Variants in PLCB1 observed in about 807,000 individuals in gnomAD.
PLCB1 encodes 1-phosphatidylinositol 4,5-bisphosphate phosphodiesterase beta-1.
A neutral mutation model predicts 161.8 loss-of-function variants in PLCB1; 46 were observed. That is an observed-to-expected ratio of 0.28 (90% CI 0.22 to 0.36). The LOEUF (loss-of-function observed/expected upper bound fraction) is 0.36, where lower values mean the gene tolerates loss of function less well. PLCB1 is among the 10% of genes least tolerant of loss of function. The probability of loss-of-function intolerance (pLI) is 1.00; values close to 1 mark genes in which losing one functional copy is unlikely to be tolerated. For synonymous variants in PLCB1, 517 were observed against 503.7 expected (o/e 1.03, Z -0.35); for missense variants, 1,016 against 1,472.5 (o/e 0.69, Z 5.07).
chr20:8,797,585 A>C (rs914347201), intron 31 of PLCB1, among the ~76,000 whole-genome samples: 8 of 152,008 alleles, frequency 5.3e-5, no homozygotes, highest in African/African-American at 1.9e-4. Context: ...CTATGCATCC[A>C]CTGAGTGTTT....
chr20:8,222,382 G>T (rs547583332), intron 2 of PLCB1, among the ~76,000 whole-genome samples: 1 of 152,054 alleles, frequency 6.6e-6, no homozygotes, highest in Non-Finnish European at 1.5e-5. Flanking sequence ...CTGGGGTAAC[G>T]TAGTTGTTTC....
intron 2 of PLCB1, among the ~76,000 whole-genome samples, chr20:8,340,051 A>G (rs980208314): frequency 1.3e-5 from 2 of 152,172 alleles, no homozygotes; most frequent in African/African-American, 4.8e-5. Context: ...CTCAGTAAAC[A>G]CTACTGTAAC....
At chr20:8,612,324 T>A (rs1987927580) in intron 3 of PLCB1, among the ~76,000 whole-genome samples, 1 of 152,162 alleles carries the variant, frequency 6.6e-6, no homozygotes, top group African/African-American at 2.4e-5. Flanking sequence ...GTCGCTTCAG[T>A]AAATGTTCAG....
rs1989536323 is a variant in PLCB1 at position 8,658,704 on chromosome 20, G to A, written c.862G>A (p.Gly288Arg). Residue 288 changes from glycine (G) to arginine (R), a missense_variant and splice_region_variant, in exon 9 of 32, where the codon GGA becomes AGA. Gly to Arg is a moderately radical substitution (Grantham distance 125, BLOSUM62 -2). Transcript: ENST00000338037. ...ACCCAACAACAGCCTCGCCAGAAAAGGTCAGTACTTTCTTTCACACCAAAG... is the reference window on the plus strand; with the variant it reads ...ACCCAACAACAGCCTCGCCAGAAAAAGTCAGTACTTTCTTTCACACCAAAG... ...YEPNNSLARK[G>R]QISVDGFMRY... is the part of the protein sequence containing the mutation. 6.3e-7 allele frequency: 1 copy of A among 1,598,874 alleles called. No homozygotes were observed. The highest frequency in any genetic ancestry group is 1.8e-5 in the Admixed American group (1 of 56,698).
chr20:8,765,494 G>T (rs1982272430), intron 26 of PLCB1, 136 bp downstream of exon 26: 1 of 647,780 alleles, frequency 1.5e-6, no homozygotes, highest in South Asian at 2.2e-5. Flanking sequence ...CATAGCTTTT[G>T]TGGCACCTTA....
intron 16 of PLCB1, among the ~76,000 whole-genome samples, chr20:8,725,331 C>A (rs564372046): frequency 3.3e-5 from 5 of 152,202 alleles, no homozygotes; most frequent in African/African-American, 1.2e-4. Context: ...TTTACCCAGA[C>A]AAAAGGGTTC....
chr20:8,267,327 T>A (rs1249856489), intron 2 of PLCB1, among the ~76,000 whole-genome samples: 1 of 152,140 alleles, frequency 6.6e-6, no homozygotes, highest in African/African-American at 2.4e-5. Flanking sequence ...ACGGTTCACA[T>A]CCCACCCACT....
At chr20:8,400,637 C>T (rs993196713) in intron 3 of PLCB1, among the ~76,000 whole-genome samples, 1 of 152,082 alleles carries the variant, frequency 6.6e-6, no homozygotes, top group African/African-American at 2.4e-5. Context: ...TGATGACATG[C>T]TATCAAATGC....
At chr20:8,317,994 C>A (rs1350714049) in intron 2 of PLCB1, among the ~76,000 whole-genome samples, 1 of 140,568 alleles carries the variant, frequency 7.1e-6, no homozygotes, top group Non-Finnish European at 1.6e-5. Flanking sequence ...TATTTCTTTT[C>A]TTTTTTTTTT....
At chr20:8,594,627 T>C (rs1987264644) in intron 3 of PLCB1, among the ~76,000 whole-genome samples, 1 of 152,096 alleles carries the variant, frequency 6.6e-6, no homozygotes, top group African/African-American at 2.4e-5. Flanking sequence ...TCTCCACTCA[T>C]TGTAGTGTCT....
intron 2 of PLCB1, among the ~76,000 whole-genome samples, chr20:8,162,079 C>T (rs1196734923): frequency 6.6e-6 from 1 of 152,110 alleles, no homozygotes; most frequent in African/African-American, 2.4e-5. Context: ...GTCTCAATAT[C>T]TAAGGTTGAA....
chr20:8,788,465 C>T lies in PLCB1; in HGVS notation c.3128C>T (p.Thr1043Met), dbSNP rs754052641. 1.4e-5 allele frequency: 22 copies of T among 1,613,070 alleles called. No individual in the cohort carries two copies. The Middle Eastern group carries it at 4.9e-4, about 36-fold the overall frequency. ...EHIKLLIQKLTDVAEECQNNQ... is the reference protein window; with the variant it reads ...EHIKLLIQKLMDVAEECQNNQ... ...TTTTTCCAGCTTATTCAAAAGTTGACGGATGTCGCAGAAGAGTGTCAGAAC... is the reference window on the plus strand; with the variant it reads ...TTTTTCCAGCTTATTCAAAAGTTGATGGATGTCGCAGAAGAGTGTCAGAAC... The change falls in exon 28 of 32, where the codon ACG (threonine) becomes ATG (methionine). Residue 1043 changes from threonine to methionine, a missense_variant. Thr to Met is a moderately conservative substitution (Grantham distance 81). Coordinates refer to ENST00000338037, the MANE Select transcript of PLCB1 (RefSeq NM_015192.4).
At chr20:8,699,293 C>T (rs575026988) in intron 11 of PLCB1, among the ~76,000 whole-genome samples, 1 of 152,206 alleles carries the variant, frequency 6.6e-6, no homozygotes, top group South Asian at 2.1e-4. Flanking sequence ...GGAGACAAGG[C>T]CATTGAACAT....
intron 23 of PLCB1, among the ~76,000 whole-genome samples, chr20:8,746,493 C>G (rs1981179897): frequency 6.6e-6 from 1 of 152,014 alleles, no homozygotes; most frequent in Non-Finnish European, 1.5e-5. Context: ...GTATATCTGA[C>G]ACTATGTTGA....
intron 2 of PLCB1, among the ~76,000 whole-genome samples, chr20:8,169,518 T>C (rs1458982832): frequency 6.6e-6 from 1 of 152,170 alleles, no homozygotes; most frequent in African/African-American, 2.4e-5. Context: ...AATTTTAATA[T>C]ATATTGTGTG....
intron 31 of PLCB1, among the ~76,000 whole-genome samples, chr20:8,824,318 G>A (rs1370327830): frequency 6.6e-6 from 1 of 152,220 alleles, no homozygotes; most frequent in Non-Finnish European, 1.5e-5. Context: ...ACTAAGCATA[G>A]ACCCCAGAAC....
chr20:8,210,661 C>T (rs1978774843), intron 2 of PLCB1, among the ~76,000 whole-genome samples: 1 of 151,920 alleles, frequency 6.6e-6, no homozygotes, highest in South Asian at 2.1e-4. Flanking sequence ...TTAAGGAAAG[C>T]TTTTATCTGA....
At chr20:8,542,960 T>C (rs1357638791) in intron 3 of PLCB1, among the ~76,000 whole-genome samples, 3 of 152,226 alleles carry the variant, frequency 2.0e-5, no homozygotes, top group Non-Finnish European at 4.4e-5. Context: ...ATTAATATTA[T>C]GTGGCAGGCC....
At chr20:8,764,232 G>T (rs1982198354) in intron 25 of PLCB1, among the ~76,000 whole-genome samples, 1 of 152,076 alleles carries the variant, frequency 6.6e-6, no homozygotes, top group Non-Finnish European at 1.5e-5. Flanking sequence ...AGCCTCTGGT[G>T]ACTTTGTGCA....
Sources: gnomAD v4.1 joint callset for allele counts (sites outside exome capture counted in the v4.1 genomes callset) on GRCh38, gnomAD v4.1.1 for gene constraint, MANE v1.5 for transcripts, NCBI Gene and HGNC (gene_info 2026-07-23, HGNC 2026-07-21) for gene names.